Variants in BTBD3 observed in about 807,000 individuals in gnomAD.
The protein encoded by BTBD3 is BTB domain containing 3.
In BTBD3, 14 loss-of-function variants were observed where a neutral mutation model predicts 41.6. The observed-to-expected ratio is 0.34, with a 90% CI of 0.22 to 0.53. The LOEUF is 0.53. Among genes scored for constraint, BTBD3 ranks in the 20% least tolerant of loss-of-function variants. BTBD3 has a pLI of 0.95. For synonymous variants in BTBD3, 249 were observed against 233.7 expected (o/e 1.07, Z -0.60); for missense variants, 426 against 654.7 (o/e 0.65, Z 3.81).
intron 1 of BTBD3, among the ~76,000 whole-genome samples, chr20:11,904,624 G>A (rs1378115357): frequency 1.3e-5 from 2 of 151,912 alleles, no homozygotes; most frequent in African/African-American, 4.8e-5. Context: ...TTGTTTATAG[G>A]GGTCATATCT....
At chr20:11,910,585 A>G (rs1449738896) in intron 1 of BTBD3, 3 of 152,238 alleles carry the variant, frequency 2.0e-5, no homozygotes, top group Admixed American at 2.0e-4. Context: ...ACATTTTAAT[A>G]TGGATTCTAT....
chr20:11,921,799 G>C (rs961486014), intron 3 of BTBD3: 2 of 152,162 alleles, frequency 1.3e-5, no homozygotes, highest in Admixed American at 6.5e-5. Flanking sequence ...GAAAACTCAA[G>C]ATAAAGTAGC....
chr20:11,910,487 G>C (rs2056882601), intron 1 of BTBD3: 1 of 150,096 alleles, frequency 6.7e-6, no homozygotes, highest in South Asian at 2.1e-4. Flanking sequence ...ACTTTTCTTT[G>C]GATAGACTAT....
In BTBD3 at chr20:11,919,161, G is replaced by A; in HGVS notation, c.402G>A (p.Arg134=). The change falls in exon 2 of 4, where the codon CGG becomes CGA. Residue 134 remains arginine (R), a synonymous_variant. Coordinates refer to ENST00000378226, the MANE Select transcript of BTBD3 (RefSeq NM_014962.4). ...TTGGGCCACCAGGTGGGACTCAACG[G>A]TTGCCAGGACACAAAGTAAGCAACA... ...FVVGPPGGTQ[R]LPGHKYVLAV... 4 of 1,613,610 alleles carry A rather than the reference G, an allele frequency of 2.5e-6. No homozygotes were observed. Among genetic ancestry groups the A allele is most frequent in the African/African-American group, 1.3e-5 (1 of 75,034 alleles).
intron 1 of BTBD3, among the ~76,000 whole-genome samples, chr20:11,891,853 C>A (rs899524132): frequency 6.6e-6 from 1 of 152,092 alleles, no homozygotes; most frequent in Non-Finnish European, 1.5e-5. Flanking sequence ...TTTAAATATT[C>A]CCCGCCACCT....
At chr20:11,906,687 C>T (rs2056856933) in intron 1 of BTBD3, among the ~76,000 whole-genome samples, 1 of 152,178 alleles carries the variant, frequency 6.6e-6, no homozygotes. Context: ...GAGACTCATG[C>T]ATGTAAGCAG....
At chr20:11,897,987 A>C (rs891740947) in intron 1 of BTBD3, among the ~76,000 whole-genome samples, 2 of 152,068 alleles carry the variant, frequency 1.3e-5, no homozygotes, top group East Asian at 3.9e-4. Context: ...GTGAAACCTT[A>C]TGTCTACTAA....
rs1309073355 is a variant in BTBD3 at position 11,918,194 on chromosome 20, C to T, written c.-82C>T. ...ATCAGCTTTGTTGGTTTCAGTTAAC[C>T]TCTTAGCCCGGGCTAATCTCTTTTC... On this transcript the variant is annotated 5_prime_UTR_variant, in exon 1 of 4. Transcript: ENST00000378226. 3.3e-6 allele frequency: 5 copies of T among 1,498,764 alleles called. No homozygotes were observed. In the African/African-American group the frequency reaches 5.6e-5, roughly 17 times the overall value. The allele number at this position is 1,498,764 out of a possible 1,614,324, so 92.8% of individuals were successfully genotyped here.
rs2056981353 is a variant in BTBD3 at position 11,922,692 on chromosome 20, G to A, written c.595G>A (p.Ala199Thr). ...TGACACAGTGCTGGCCACACTTTAT[G>A]CTGCCAAAAAGTACATTGTCCCTCA... Reference protein sequence around the residue: ...AADTVLATLYAAKKYIVPHLA... With the variant: ...AADTVLATLYTAKKYIVPHLA... Residue 199 changes from alanine to threonine, a missense_variant, in exon 4 of 4, where the codon GCT becomes ACT. Coordinates refer to ENST00000378226, the MANE Select transcript of BTBD3 (RefSeq NM_014962.4). 6.2e-7 allele frequency: 1 copy of A among 1,614,162 alleles called. No individual in the cohort carries two copies. Among genetic ancestry groups the A allele is most frequent in the African/African-American group, 1.3e-5 (1 of 75,052 alleles).
intron 1 of BTBD3, chr20:11,891,088 C>T: frequency 1.6e-6 from 1 of 608,130 alleles, no homozygotes; most frequent in Non-Finnish European, 2.1e-6. Context: ...GGCTGGTGGC[C>T]GCAGGTCGGC....
intron 1 of BTBD3, among the ~76,000 whole-genome samples, chr20:11,891,109 C>T (rs1159551102): frequency 1.3e-5 from 2 of 149,634 alleles, no homozygotes; most frequent in Non-Finnish European, 3.0e-5. Flanking sequence ...CTCGGACCCA[C>T]GGGACCAGAG....
At chr20:11,919,620 G>A in intron 2 of BTBD3, 98 bp from the exon 3 acceptor site, 1 of 1,332,362 alleles carries the variant, frequency 7.5e-7, no homozygotes, top group Non-Finnish European at 1.1e-6. Context: ...GGTACGCTAT[G>A]TTTACTAAAC....
chr20:11,902,399 T>G (rs1485280972), intron 1 of BTBD3, among the ~76,000 whole-genome samples: 1 of 152,196 alleles, frequency 6.6e-6, no homozygotes, highest in Non-Finnish European at 1.5e-5. Flanking sequence ...AACTTTTTTC[T>G]TGTAGTGTCT....
At chr20:11,892,132 G>A (rs986541158) in intron 1 of BTBD3, among the ~76,000 whole-genome samples, 1 of 152,168 alleles carries the variant, frequency 6.6e-6, no homozygotes, top group Admixed American at 6.5e-5. Flanking sequence ...CACAAAGAGC[G>A]GTTTGTTTCC....
At chr20:11,922,534 G>C in intron 3 of BTBD3, 100 bp from the exon 4 acceptor site, 1 of 980,824 alleles carries the variant, frequency 1.0e-6, no homozygotes, top group Non-Finnish European at 1.5e-6. Flanking sequence ...TGTCACATAA[G>C]ATGATGTTCT....
Position 11,903,755 on chromosome 20 carries a change from C to T in BTBD3, c.-126+12801C>T, listed in dbSNP as rs555496522. ...CGGAGTAGCTGGGATTACAGGTGCC[C>T]GCCACCATGCCCAGCTAATTTTTTG... On this transcript the variant is annotated intron_variant, in intron 1 of 4. Coordinates refer to the BTBD3 transcript ENST00000254977. 1.6e-4 allele frequency among the ~76,000 whole-genome samples: 24 copies of T among 152,020 alleles called. No homozygotes were observed. In the South Asian group the frequency reaches 3.3e-3, roughly 21 times the overall value.
intron 1 of BTBD3, chr20:11,891,334 G>A (rs2056752357): frequency 6.6e-6 from 1 of 151,896 alleles, no homozygotes; most frequent in Non-Finnish European, 1.5e-5. Flanking sequence ...CCCGGAGGTG[G>A]CGGAGGTCCA....
rs781515088 is a variant in BTBD3, at chr20:11,891,188, G to T, written c.-126+234G>T. On this transcript the variant is annotated intron_variant, in intron 1 of 4. Coordinates refer to the BTBD3 transcript ENST00000254977. ...GGGCTGGCTTTCCGAGGGGGGGGGGGTCCCAGTGGGGCGCGTCGGGCCCGC... is the reference window on the plus strand; with the variant it reads ...GGGCTGGCTTTCCGAGGGGGGGGGGTTCCCAGTGGGGCGCGTCGGGCCCGC... 173 of 160,764 alleles carry T rather than the reference G, an allele frequency of 1.1e-3. 1 individual carries two copies. Among genetic ancestry groups the T allele is most frequent in the African/African-American group, 3.9e-3 (160 of 41,164 alleles). 10.0% of individuals were successfully genotyped at this position (160,764 alleles called of 1,614,324 possible). A position where few individuals can be genotyped will look rare whatever the true frequency, so the allele number is the denominator to read the frequency against.
At chr20:11,906,186 A>G (rs774457767) in intron 1 of BTBD3, among the ~76,000 whole-genome samples, 6 of 147,482 alleles carry the variant, frequency 4.1e-5, no homozygotes, top group Non-Finnish European at 5.9e-5. Flanking sequence ...CCAGCAAGAT[A>G]CTTTCCAGTT....
Sources: gnomAD v4.1 joint callset for allele counts (sites outside exome capture counted in the v4.1 genomes callset) on GRCh38, gnomAD v4.1.1 for gene constraint, MANE v1.5 for transcripts, NCBI Gene and HGNC (gene_info 2026-07-23, HGNC 2026-07-21) for gene names.